The following MYBBP1A variants were observed in gnomAD, a reference collection of about 807,000 sequenced individuals.
MYBBP1A encodes myb-binding protein 1A.
MYBBP1A carries 147 observed loss-of-function variants against 136.3 expected under a neutral mutation model. The observed-to-expected ratio is 1.08, with a 90% CI of 0.94 to 1.24. The LOEUF (loss-of-function observed/expected upper bound fraction) is 1.24. Among genes scored for constraint, MYBBP1A ranks in the 50% most tolerant of loss-of-function variants. MYBBP1A has a pLI of 0.00. For synonymous variants in MYBBP1A, 947 were observed against 735.8 expected (o/e 1.29, Z -4.65); for missense variants, 2,060 against 1,727.4 (o/e 1.19, Z -3.41).
Position 4,544,476 on chromosome 17 carries a change from C to T in MYBBP1A, c.2639+13G>A, listed in dbSNP as rs1222416478. 1 of 1,546,304 alleles carries T rather than the reference C, an allele frequency of 6.5e-7. No individual in the cohort carries two copies. The highest frequency in any genetic ancestry group is 8.7e-7 in the Non-Finnish European group (1 of 1,147,106). On this transcript the variant is annotated intron_variant, in intron 19 of 25. Coordinates refer to ENST00000254718, the MANE Select transcript of MYBBP1A (RefSeq NM_014520.4). ...GCCGGCCACACCTGCCCGCCCTGCA[C>T]CCCCGTGCTCACGTGAAGATGCGCG...
At chr17:4,547,183 C>A (rs1253042063) in intron 13 of MYBBP1A, among the ~76,000 whole-genome samples, 2 of 152,156 alleles carry the variant, frequency 1.3e-5, no homozygotes, top group Non-Finnish European at 1.5e-5. Flanking sequence ...ACTGGGATTA[C>A]AGGTGCGAGC....
Position 4,545,755 on chromosome 17 carries a change from TG to T in MYBBP1A, c.1927del (p.Gln643ArgfsTer6). The T allele has an allele frequency of 6.2e-7, 1 of 1,606,090 alleles. No homozygotes were observed. Among genetic ancestry groups the T allele is most frequent in the Non-Finnish European group, 8.5e-7 (1 of 1,175,224 alleles). ...RRSRTKTIDP[Q>X]EPPWVEVLVE... Reference sequence around the variant, plus strand: ...CAGCACCTCTACCCACGGGGGTTCCTGGGGGTCTGCAAGAGGGAGGGGTTGA... The same window carrying T: ...CAGCACCTCTACCCACGGGGGTTCCTGGGGTCTGCAAGAGGGAGGGGTTGA... On this transcript the variant is annotated frameshift_variant, in exon 15 of 26. Transcript: ENST00000254718. LOFTEE classifies it high-confidence loss of function.
rs755695880 is a variant in MYBBP1A, at chr17:4,548,066, A to C, written c.1725-9T>G. The stretch of plus-strand genomic sequence containing the variant: ...TCAGAGTCTGCAGCATCCTGCGGGG[A>C]GACAGGCGATTCCCAGGCCCCTGCA... On this transcript the variant is annotated splice_polypyrimidine_tract_variant and intron_variant, in intron 12 of 25. Transcript: ENST00000254718. This position sits in a 1 kb window ranked among gnomAD's most constrained non-coding sequence, Gnocchi z 4.2. The C allele has an allele frequency of 1.9e-6, 3 of 1,585,884 alleles. No homozygotes were observed. In the Admixed American group the frequency reaches 5.2e-5, roughly 27 times the overall value.
In MYBBP1A at chr17:4,548,289, C is replaced by T. The variant is rs749276581; in HGVS notation, c.1578G>A (p.Thr526=). 1.7e-5 allele frequency: 27 copies of T among 1,612,354 alleles called. No individual in the cohort carries two copies. Among genetic ancestry groups the T allele is most frequent in the East Asian group, 4.5e-5 (2 of 44,886 alleles). The change falls in exon 12 of 26, where the codon ACG becomes ACA. Residue 526 remains threonine, a synonymous_variant. Coordinates refer to ENST00000254718, the MANE Select transcript of MYBBP1A (RefSeq NM_014520.4). This position sits in a 1 kb window ranked among gnomAD's most constrained non-coding sequence, Gnocchi z 4.2. ...TCTGGCCCGGTGCCTGCTTGAACTG[C>T]GTGCTGAGGGTCTGCAACAGACTGG... is the stretch of plus-strand genomic sequence containing the variant. ...AFFSLLQTLS[T]QFKQAPGQTQ...
intron 17 of MYBBP1A, 27 bp downstream of exon 17, chr17:4,544,999 G>GCGCCCCCCCCCCCCCCCCCCCCCCCCC: frequency 2.0e-6 from 1 of 498,358 alleles, no homozygotes; most frequent in Non-Finnish European, 2.6e-6. Context: ...CTCCCCGGCC[G>GCGCCCCCCCCCCCCCCCCCCCCCCCCC]CCCCCCCCTC....
rs1462985333 is a variant in MYBBP1A, at chr17:4,549,806, AAAAG to A, written c.1319+248_1319+251del. 1.3e-3 allele frequency among the ~76,000 whole-genome samples: 198 copies of A among 151,586 alleles called. 1 individual carries two copies. The highest frequency in any genetic ancestry group is 2.4e-3 in the Non-Finnish European group (162 of 67,804). On this transcript the variant is annotated intron_variant, in intron 9 of 25. Transcript: ENST00000254718. ...CTGTCAAAAAAAAAAAAAAAAAAAA[AAAAG>A]AACCAGCAAAAACAGGACATTCCTT...
chr17:4,543,084 C>G lies in MYBBP1A; in HGVS notation c.2721G>C (p.Leu907Phe). 1 of 1,613,214 alleles carries G rather than the reference C, an allele frequency of 6.2e-7. No homozygotes were observed. The highest frequency in any genetic ancestry group is 1.1e-5 in the South Asian group (1 of 91,074). Reference protein sequence around the residue: ...AGALHAQVERLVQQAGRQPDS... With the variant: ...AGALHAQVERFVQQAGRQPDS... ...CGGGCTGGCGGCCAGCCTGCTGCAC[C>G]AACCGCTCCACCTGGGCGTGCAGGG... The change falls in exon 20 of 26, where the codon TTG (leucine) becomes TTC (phenylalanine). Residue 907 changes from leucine (L) to phenylalanine (F), a missense_variant. Transcript: ENST00000254718.
rs1472800658 is a variant in MYBBP1A, at chr17:4,555,262, C to G, written c.63G>C (p.Arg21=). The G allele has an allele frequency of 1.9e-6, 3 of 1,611,518 alleles. No individual in the cohort carries two copies. Among genetic ancestry groups the G allele is most frequent in the Admixed American group, 3.3e-5 (2 of 59,804 alleles). Residue 21 remains arginine, a synonymous_variant, in exon 1 of 26, where the codon CGG becomes CGC. Coordinates refer to ENST00000254718, the MANE Select transcript of MYBBP1A (RefSeq NM_014520.4). ...SPGEATQSGA[R]PADRYGLLKH... ...TCAATAGGCCATAGCGGTCGGCAGG[C>G]CGGGCGCCACTCTGCGTCGCTTCTC...
rs1010019147 is a variant in MYBBP1A, at chr17:4,548,422, C to T, written c.1556+102G>A. On this transcript the variant is annotated intron_variant, in intron 11 of 25. Coordinates refer to ENST00000254718, the MANE Select transcript of MYBBP1A (RefSeq NM_014520.4). This position sits in a 1 kb window ranked among gnomAD's most constrained non-coding sequence, Gnocchi z 4.2. ...GCCTCTCCAGGACCTACTAGAACTCCGGGGGCCTCTGCCGTTGTTCCCAGC... is the reference window on the plus strand; with the variant it reads ...GCCTCTCCAGGACCTACTAGAACTCTGGGGGCCTCTGCCGTTGTTCCCAGC... 6.2e-6 allele frequency: 10 copies of T among 1,605,970 alleles called. No homozygotes were observed. Among genetic ancestry groups the T allele is most frequent in the East Asian group, 2.2e-5 (1 of 44,842 alleles).
Position 4,544,869 on chromosome 17 carries a change from G to C in MYBBP1A, c.2363C>G (p.Ala788Gly). ...GAGGCTGGCGAGGCTCTGGTCCAGGGCCATCATGGCCTCATCCCCCAGCTC... is the reference window on the plus strand; with the variant it reads ...GAGGCTGGCGAGGCTCTGGTCCAGGCCCATCATGGCCTCATCCCCCAGCTC... Reference protein sequence around the residue: ...EEELGDEAMMALDQSLASLFA... With the variant: ...EEELGDEAMMGLDQSLASLFA... The change falls in exon 18 of 26, where the codon GCC becomes GGC. Residue 788 changes from alanine (A) to glycine (G), a missense_variant. By Grantham distance (60) the Ala-to-Gly change is moderately conservative. Transcript: ENST00000254718. 6.2e-7 allele frequency: 1 copy of C among 1,607,768 alleles called. No individual in the cohort carries two copies. Among genetic ancestry groups the C allele is most frequent in the Non-Finnish European group, 8.5e-7 (1 of 1,177,392 alleles).
At chr17:4,555,073 G>A (rs1907908751) in intron 1 of MYBBP1A, 54 bp downstream of exon 1, 23 of 1,568,484 alleles carry the variant, frequency 1.5e-5, no homozygotes, top group East Asian at 2.3e-5. Flanking sequence ...TGGGCCCGCC[G>A]CCGCTTCCTT....
Position 4,539,676 on chromosome 17 carries a change from GGGGCTCCGGGTGGGGGCGCCA to G in MYBBP1A, c.3705_3725del (p.Gly1236_Pro1242del), listed in dbSNP as rs1486767678. On this transcript the variant is annotated inframe_deletion, in exon 26 of 26. Coordinates refer to ENST00000254718, the MANE Select transcript of MYBBP1A (RefSeq NM_014520.4). ...GTTTTGGGGATTTGGCAGGGGTGCT[GGGGCTCCGGGTGGGGGCGCCA>G]GGGGCTGGACTCTTGGTGGTTGGCG... The G allele has an allele frequency of 6.2e-7, 1 of 1,609,772 alleles. No homozygotes were observed. Among genetic ancestry groups the G allele is most frequent in the South Asian group, 1.1e-5 (1 of 90,920 alleles).
Position 4,541,791 on chromosome 17 carries a change from AC to A in MYBBP1A, c.3187del (p.Val1063SerfsTer39), listed in dbSNP as rs752181072. The A allele has an allele frequency of 6.2e-7, 1 of 1,613,916 alleles. No homozygotes were observed. Among genetic ancestry groups the A allele is most frequent in the South Asian group, 1.1e-5 (1 of 91,080 alleles). ...GCGCCCCCCGGCTGTTACCTCGGTG[AC>A]CTTTGCTAGGACCTGGCCCATCAGC... ...KQLMGQVLAKVTENLRVLGEA... is the reference protein window; with the variant it reads ...KQLMGQVLAKXTENLRVLGEA... On this transcript the variant is annotated frameshift_variant, in exon 23 of 26. Coordinates refer to ENST00000254718, the MANE Select transcript of MYBBP1A (RefSeq NM_014520.4). LOFTEE classifies it high-confidence loss of function.
chr17:4,543,259 G>C, intron 19 of MYBBP1A, 94 bp from the exon 20 acceptor site: 5 of 1,447,398 alleles, frequency 3.5e-6, no homozygotes, highest in Admixed American at 2.4e-5. Flanking sequence ...TATAAGTGGG[G>C]AAACAGACCT....
At chr17:4,542,872 G>A (rs1567604910) in intron 20 of MYBBP1A, 41 bp downstream of exon 20, 1 of 1,609,376 alleles carries the variant, frequency 6.2e-7, no homozygotes, top group Admixed American at 1.7e-5. Context: ...CTCCCTGGCT[G>A]TGAAATGCCT....
At position 4,543,944 on chromosome 17, in the gene MYBBP1A, T is replaced by G. The variant is rs1597380191; in HGVS notation, c.2639+545A>C. Among the ~76,000 whole-genome samples, 5 of 151,866 alleles carry G rather than the reference T, an allele frequency of 3.3e-5. No homozygotes were observed. In the East Asian group the frequency reaches 9.7e-4, roughly 30 times the overall value. ...TCTGTGGCCTCCAGCACCGCTAGGG[T>G]CAGGGCCTGCGAGGGTGCGGGGGTC... On this transcript the variant is annotated intron_variant, in intron 19 of 25. Coordinates refer to ENST00000254718, the MANE Select transcript of MYBBP1A (RefSeq NM_014520.4).
rs1243319513 is a variant in MYBBP1A, at chr17:4,547,969, G to A, written c.1813C>T (p.His605Tyr). Residue 605 changes from histidine to tyrosine, a missense_variant, in exon 13 of 26, where the codon CAC (histidine) becomes TAC (tyrosine). Transcript: ENST00000254718. ...FQHLLLLVGI[H>Y]LLKSPAESCD... is the part of the protein sequence containing the mutation. ...CCAGGCCCCAGTACCTTGAGGAGGT[G>A]GATGCCCACGAGGAGCAGAAGGTGC... 6 of 1,513,032 alleles carry A rather than the reference G, an allele frequency of 4.0e-6. No individual in the cohort carries two copies. The African/African-American group carries it at 4.2e-5, about 10-fold the overall frequency. The allele number at this position is 1,513,032 out of a possible 1,614,324, so 93.7% of individuals were successfully genotyped here.
chr17:4,546,856 T>C (rs765037340), intron 13 of MYBBP1A, among the ~76,000 whole-genome samples: 6 of 151,546 alleles, frequency 4.0e-5, no homozygotes, highest in Non-Finnish European at 7.4e-5. Context: ...TTGTCATTGC[T>C]CTCCGGCTCC....
rs1224842991 is a variant in MYBBP1A at position 4,539,973 on chromosome 17, G to A, written c.3435-6C>T. 2 of 1,597,544 alleles carry A rather than the reference G, an allele frequency of 1.3e-6. No homozygotes were observed. Among genetic ancestry groups the A allele is most frequent in the African/African-American group, 1.3e-5 (1 of 74,968 alleles). ...TCTTCTCCAACTTGGGGCGCCTGAAGGGAAGTGAGCAAGGTTAGAAGGTGC... is the reference window on the plus strand; with the variant it reads ...TCTTCTCCAACTTGGGGCGCCTGAAAGGAAGTGAGCAAGGTTAGAAGGTGC... On this transcript the variant is annotated splice_polypyrimidine_tract_variant and splice_region_variant and intron_variant, in intron 25 of 25. Transcript: ENST00000254718.
Sources: gnomAD v4.1 joint callset for allele counts (sites outside exome capture counted in the v4.1 genomes callset) on GRCh38, gnomAD v4.1.1 for gene constraint, Gnocchi (gnomAD v3.1) non-coding constraint, MANE v1.5 for transcripts, NCBI Gene and HGNC (gene_info 2026-07-23, HGNC 2026-07-21) for gene names.